The following PDZRN3 variants were observed in gnomAD, a reference collection of about 807,000 sequenced individuals.
PDZRN3 encodes PDZ domain containing ring finger 3.
In PDZRN3, 38 loss-of-function variants were observed where a neutral mutation model predicts 85.7. That is an observed-to-expected ratio of 0.44 (90% CI 0.34 to 0.58). The LOEUF (loss-of-function observed/expected upper bound fraction) is 0.58, where lower values mean the gene tolerates loss of function less well. PDZRN3 is among the 20% of genes least tolerant of loss of function. The probability of loss-of-function intolerance (pLI) is 0.01; values close to 1 mark genes in which losing one functional copy is unlikely to be tolerated. For synonymous variants in PDZRN3, 759 were observed against 638.0 expected, an observed-to-expected ratio of 1.19 and a Z score of -2.86; for missense variants, 1,629 against 1,506.4, an observed-to-expected ratio of 1.08 and a Z score of -1.35.
intron 3 of PDZRN3, among the ~76,000 whole-genome samples, chr3:73,417,785 C>T (rs767635927): frequency 2.6e-5 from 4 of 151,616 alleles, no homozygotes; most frequent in African/African-American, 4.9e-5. Context: ...TCCATGCAAC[C>T]AGAGACAACT....
At chr3:73,395,573 G>A (rs186211729) in intron 5 of PDZRN3, among the ~76,000 whole-genome samples, 4 of 152,268 alleles carry the variant, frequency 2.6e-5, no homozygotes, top group Non-Finnish European at 4.4e-5. Flanking sequence ...TAATTAAAGG[G>A]GATCTCAAAG....
At chr3:73,512,998 T>TAC (rs1290502847) in intron 3 of PDZRN3, among the ~76,000 whole-genome samples, 5 of 152,062 alleles carry the variant, frequency 3.3e-5, no homozygotes, top group Non-Finnish European at 7.4e-5. Context: ...GAAAATGATT[T>TAC]ACACACACAC....
At chr3:73,546,978 C>T (rs1701437469) in intron 3 of PDZRN3, among the ~76,000 whole-genome samples, 1 of 152,190 alleles carries the variant, frequency 6.6e-6, no homozygotes, top group African/African-American at 2.4e-5. Flanking sequence ...CAACTACATG[C>T]CTATGCATTT....
intron 3 of PDZRN3, among the ~76,000 whole-genome samples, chr3:73,416,934 C>T (rs1245958196): frequency 1.4e-5 from 2 of 140,048 alleles, no homozygotes; most frequent in African/African-American, 2.8e-5. Context: ...CTCCATCACC[C>T]AGGCGGGAGT....
chr3:73,468,951 G>T (rs746682464), intron 3 of PDZRN3, among the ~76,000 whole-genome samples: 17 of 152,178 alleles, frequency 1.1e-4, no homozygotes, highest in Non-Finnish European at 2.1e-4. Context: ...TTTGGTTTAC[G>T]CCTGACACCT....
At chr3:73,436,088 C>G (rs910953483) in intron 3 of PDZRN3, among the ~76,000 whole-genome samples, 1 of 152,188 alleles carries the variant, frequency 6.6e-6, no homozygotes, top group Non-Finnish European at 1.5e-5. Context: ...TCAAATGAAG[C>G]CTCCTTAGAA....
chr3:73,413,235 G>C (rs576890348), intron 3 of PDZRN3, among the ~76,000 whole-genome samples: 1 of 152,100 alleles, frequency 6.6e-6, no homozygotes, highest in Non-Finnish European at 1.5e-5. Context: ...CTCAGTAAAC[G>C]CTATCTTTTT....
At chr3:73,395,469 T>G (rs1182061211) in intron 5 of PDZRN3, among the ~76,000 whole-genome samples, 1 of 152,190 alleles carries the variant, frequency 6.6e-6, no homozygotes, top group Non-Finnish European at 1.5e-5. Context: ...AGCCTGACAT[T>G]TCAGAGGAAA....
At chr3:73,448,150 C>T (rs535008922) in intron 3 of PDZRN3, among the ~76,000 whole-genome samples, 10 of 152,292 alleles carry the variant, frequency 6.6e-5, no homozygotes, top group African/African-American at 2.2e-4. Flanking sequence ...AGATTCAGCA[C>T]AGGAGGGGAA....
chr3:73,602,215 A>C, intron 3 of PDZRN3, 139 bp downstream of exon 3: 1 of 635,566 alleles, frequency 1.6e-6, no homozygotes. Context: ...ATCTGGTCCC[A>C]CACAATGGGA....
At chr3:73,413,630 A>G (rs1017075862) in intron 3 of PDZRN3, among the ~76,000 whole-genome samples, 3 of 152,170 alleles carry the variant, frequency 2.0e-5, no homozygotes, top group Non-Finnish European at 2.9e-5. Flanking sequence ...ACCACCGAGC[A>G]GCACAGCCGG....
chr3:73,417,215 C>A (rs992587623), intron 3 of PDZRN3, among the ~76,000 whole-genome samples: 1 of 152,122 alleles, frequency 6.6e-6, no homozygotes, highest in Non-Finnish European at 1.5e-5. Context: ...TAAGGAACAT[C>A]AACAGTTCAA....
intron 3 of PDZRN3, among the ~76,000 whole-genome samples, chr3:73,432,813 A>T (rs1028468427): frequency 2.0e-5 from 3 of 149,996 alleles, no homozygotes; most frequent in Non-Finnish European, 3.0e-5. Context: ...TAGCTGGATT[A>T]TTTTTTTTTT....
intron 3 of PDZRN3, among the ~76,000 whole-genome samples, chr3:73,416,758 T>A (rs1702089699): frequency 6.6e-6 from 1 of 151,970 alleles, no homozygotes; most frequent in Non-Finnish European, 1.5e-5. Context: ...ACCCACTTGC[T>A]CTTAAAACTC....
intron 3 of PDZRN3, among the ~76,000 whole-genome samples, chr3:73,525,905 T>C (rs1209623348): frequency 1.3e-5 from 2 of 152,214 alleles, no homozygotes; most frequent in Non-Finnish European, 2.9e-5. Flanking sequence ...TTGCTTCGCT[T>C]CTGTCCTTTC....
rs558094250 is a variant in PDZRN3 at position 73,397,089 on chromosome 3, G to A, written c.1254+3833C>T. Among the ~76,000 whole-genome samples the A allele has an allele frequency of 1.7e-3, 254 of 149,228 alleles. 1 individual carries two copies. The highest frequency in any genetic ancestry group is 6.0e-3 in the African/African-American group (245 of 40,554). On this transcript the variant is annotated intron_variant, in intron 5 of 9. Transcript: ENST00000263666. ...TGCTCTGTTGCCCAGGCTGGAGTGC[G>A]GTGGCACAATCTTGGCTCAATGCAA...
chr3:73,507,143 A>G (rs4677295), intron 3 of PDZRN3, among the ~76,000 whole-genome samples: 144,082 of 152,244 alleles, frequency 0.95, 68,674 homozygotes, highest in Non-Finnish European at 1. Context: ...AAAAACATTT[A>G]TGCACACATA....
intron 3 of PDZRN3, among the ~76,000 whole-genome samples, chr3:73,513,516 A>C (rs1704204524): frequency 6.6e-6 from 1 of 152,214 alleles, no homozygotes; most frequent in Non-Finnish European, 1.5e-5. Flanking sequence ...GAAGTTGTTT[A>C]ACCAATGCCC....
Position 73,602,218 on chromosome 3 carries a change from C to A in PDZRN3, c.918+136G>T, listed in dbSNP as rs910812045. 1.4e-5 allele frequency: 9 copies of A among 636,394 alleles called. No homozygotes were observed. In the South Asian group the frequency reaches 1.8e-4, roughly 13 times the overall value. 39.4% of individuals were successfully genotyped at this position (636,394 alleles called of 1,614,324 possible). A position where few individuals can be genotyped will look rare whatever the true frequency, so the allele number is the denominator to read the frequency against. On this transcript the variant is annotated intron_variant, in intron 3 of 9. Coordinates refer to ENST00000263666, the MANE Select transcript of PDZRN3 (RefSeq NM_015009.3). ...AATCAACACTCAATCTGGTCCCACA[C>A]AATGGGAAAAGTGAGACTCCCGCTC... is the stretch of plus-strand genomic sequence containing the variant.
Sources: allele counts gnomAD v4.1 joint callset (sites outside exome capture counted in the v4.1 genomes callset), GRCh38; gene constraint gnomAD v4.1.1; transcripts MANE v1.5; gene names NCBI Gene and HGNC (gene_info 2026-07-23, HGNC 2026-07-21).